The following PIF1 variants were observed in gnomAD, a reference collection of about 807,000 sequenced individuals.
PIF1 encodes the protein ATP-dependent DNA helicase PIF1.
PIF1 carries 67 observed loss-of-function variants against 62.3 expected under a neutral mutation model. The observed-to-expected ratio is 1.08, with a 90% CI of 0.88 to 1.32. The LOEUF is 1.32. PIF1 is among the 40% of genes most tolerant of loss of function. The pLI is 0.00. For missense variants in PIF1, 886 were observed against 866.1 expected, an observed-to-expected ratio of 1.02 and a Z score of -0.29; for synonymous variants, 364 against 379.5, an observed-to-expected ratio of 0.96 and a Z score of 0.47.
At chr15:64,819,056 T>C (rs371498589) in intron 9 of PIF1, 61 bp downstream of exon 9, 2 of 1,304,622 alleles carry the variant, frequency 1.5e-6, no homozygotes, top group Non-Finnish European at 1.0e-6. Flanking sequence ...GGGGTAGGGA[T>C]CAGCAAGGCC....
At chr15:64,825,814 G>A (rs1215465884), upstream of PIF1, 3 of 152,196 alleles carry the variant, frequency 2.0e-5, no homozygotes, top group Non-Finnish European at 2.9e-5. Context: ...AGAGGAAGGA[G>A]GTTTATGGTG....
chr15:64,816,643 C>T lies in PIF1; in HGVS notation c.1797G>A (p.Met599Ile). The T allele has an allele frequency of 1.2e-6, 2 of 1,614,080 alleles. No homozygotes were observed. The highest frequency in any genetic ancestry group is 1.7e-6 in the Non-Finnish European group (2 of 1,180,020). Residue 599 changes from methionine (M) to isoleucine (I), a missense_variant, in exon 12 of 13, where the codon ATG becomes ATA. Physicochemically the swap from Met to Ile is conservative, Grantham distance 10 (BLOSUM62 1). Coordinates refer to ENST00000559239, the MANE Select transcript of PIF1 (RefSeq NM_001286496.2). The stretch of plus-strand genomic sequence containing the variant: ...GCACACGGGGGTCACAGCGAACCGC[C>T]ATGGGGTCAAAGTCCAGCACACGTA... ...QGLRVLDFDP[M>I]AVRCDPRVLH...
At chr15:64,822,116 C>T in intron 4 of PIF1, 150 bp downstream of exon 4, 2 of 978,690 alleles carry the variant, frequency 2.0e-6, no homozygotes, top group Non-Finnish European at 3.0e-6. Context: ...CTCAAGCGAT[C>T]CTCCCACCTT....
Position 64,815,906 on chromosome 15 carries a change from T to G in PIF1, c.*392A>C, listed in dbSNP as rs372435957. The stretch of plus-strand genomic sequence containing the variant: ...CAGTCCCCTCCAAGAGCCCTGATGC[T>G]GCTTCCGGAGCACCTGTCTTCATTG... On this transcript the variant is annotated 3_prime_UTR_variant, in exon 13 of 13. Transcript: ENST00000559239. The G allele has an allele frequency of 7.6e-4, 1,179 of 1,550,610 alleles. 2 individuals carry two copies. Among genetic ancestry groups the G allele is most frequent in the South Asian group, 1.7e-3 (139 of 84,062 alleles).
chr15:64,826,935 C>T (rs1423257603), upstream of PIF1, among the ~76,000 whole-genome samples: 1 of 151,588 alleles, frequency 6.6e-6, no homozygotes, highest in Non-Finnish European at 1.5e-5. Context: ...TACTGAAGGT[C>T]ACATAGCTGA....
chr15:64,818,607 T>A, intron 9 of PIF1: 1 of 481,878 alleles, frequency 2.1e-6, no homozygotes, highest in Non-Finnish European at 3.7e-6. Context: ...TAAGGCAACC[T>A]CTATCACAGG....
At position 64,816,234 on chromosome 15, in the gene PIF1, C is replaced by T; in HGVS notation, c.*64G>A. On this transcript the variant is annotated 3_prime_UTR_variant, in exon 13 of 13. Coordinates refer to ENST00000559239, the MANE Select transcript of PIF1 (RefSeq NM_001286496.2). ...CCAGTTATTCCCTGGGGCCCTGGGC[C>T]ACTAGGGAGCAGGAGGACGGGGAGG... 1 of 1,608,058 alleles carries T rather than the reference C, an allele frequency of 6.2e-7. No individual in the cohort carries two copies. Among genetic ancestry groups the T allele is most frequent in the Non-Finnish European group, 8.5e-7 (1 of 1,177,670 alleles).
At chr15:64,818,379 C>T in intron 9 of PIF1, 35 bp from the exon 10 acceptor site, 1 of 1,598,642 alleles carries the variant, frequency 6.3e-7, no homozygotes, top group South Asian at 1.1e-5. Context: ...CAGCAGCCCC[C>T]CTACCCATGC....
rs1267500405 is a variant in PIF1, at chr15:64,816,159, G to C, written c.*139C>G. The stretch of plus-strand genomic sequence containing the variant: ...AAGTACTCTCCCTTTAACCCTGCCA[G>C]GAGGCTGAGAGTCCCTAAAAAATAC... On this transcript the variant is annotated 3_prime_UTR_variant, in exon 13 of 13. Coordinates refer to ENST00000559239, the MANE Select transcript of PIF1 (RefSeq NM_001286496.2). 6.6e-7 allele frequency: 1 copy of C among 1,504,726 alleles called. No individual in the cohort carries two copies. The highest frequency in any genetic ancestry group is 1.4e-5 in the African/African-American group (1 of 71,920). The allele number at this position is 1,504,726 out of a possible 1,614,324, so 93.2% of individuals were successfully genotyped here.
At chr15:64,825,214 T>C (rs1030547730) in intron 1 of PIF1, among the ~76,000 whole-genome samples, 2 of 151,772 alleles carry the variant, frequency 1.3e-5, no homozygotes, top group African/African-American at 4.8e-5. Flanking sequence ...GAATCGCCCG[T>C]GGGGAGATGC....
rs572933192 is a variant in PIF1, at chr15:64,816,148, T to G, written c.*150A>C. On this transcript the variant is annotated 3_prime_UTR_variant, in exon 13 of 13. Coordinates refer to ENST00000559239, the MANE Select transcript of PIF1 (RefSeq NM_001286496.2). Reference sequence around the variant, plus strand: ...ATATGGGTTTAAAGTACTCTCCCTTTAACCCTGCCAGGAGGCTGAGAGTCC... The same window carrying G: ...ATATGGGTTTAAAGTACTCTCCCTTGAACCCTGCCAGGAGGCTGAGAGTCC... The G allele has an allele frequency of 4.0e-6, 6 of 1,490,416 alleles. No individual in the cohort carries two copies. The South Asian group carries it at 6.7e-5, about 17-fold the overall frequency. 92.3% of individuals were successfully genotyped at this position (1,490,416 alleles called of 1,614,324 possible).
At chr15:64,817,253 A>G (rs1236883288) in intron 11 of PIF1, among the ~76,000 whole-genome samples, 1 of 152,116 alleles carries the variant, frequency 6.6e-6, no homozygotes, top group Non-Finnish European at 1.5e-5. Context: ...GAAATTCACT[A>G]AAGAAAAGTT....
intron 7 of PIF1, 176 bp from the exon 8 acceptor site, chr15:64,820,162 C>T (rs961656620): frequency 2.2e-5 from 16 of 722,896 alleles, no homozygotes; most frequent in Non-Finnish European, 3.6e-5. Context: ...AACTTGGACC[C>T]CAAACATGGG....
At chr15:64,821,313 C>A in intron 5 of PIF1, 32 bp from the exon 6 acceptor site, 1 of 1,614,110 alleles carries the variant, frequency 6.2e-7, no homozygotes, top group South Asian at 1.1e-5. Context: ...TTTAGGGGCA[C>A]ACAGAAGACC....
At chr15:64,817,407 G>A (rs553254621) in intron 11 of PIF1, among the ~76,000 whole-genome samples, 3 of 152,194 alleles carry the variant, frequency 2.0e-5, no homozygotes, top group South Asian at 2.1e-4. Context: ...TTAGCCAGGC[G>A]TGGTGGCGGC....
intron 10 of PIF1, 52 bp from the exon 11 acceptor site, chr15:64,818,143 G>A (rs773945634): frequency 1.4e-4 from 233 of 1,611,744 alleles, no homozygotes; most frequent in Admixed American, 1.7e-4. Context: ...GGGCTCTGAG[G>A]TGAGGAGCAG....
At chr15:64,820,091 C>T in intron 7 of PIF1, 105 bp from the exon 8 acceptor site, 3 of 1,405,864 alleles carry the variant, frequency 2.1e-6, no homozygotes, top group Non-Finnish European at 1.9e-6. Flanking sequence ...GGCCTTGGGA[C>T]TGGAAGAGGG....
chr15:64,816,509 C>G, intron 12 of PIF1, 65 bp downstream of exon 12: 3 of 1,597,204 alleles, frequency 1.9e-6, no homozygotes, highest in Non-Finnish European at 8.5e-7. Context: ...TGGGCCGGCG[C>G]TCCCTCTGTC....
intron 9 of PIF1, 78 bp downstream of exon 9, chr15:64,819,038 TG>T: frequency 9.0e-7 from 1 of 1,110,842 alleles, no homozygotes; most frequent in Non-Finnish European, 1.2e-6. Context: ...CAGAGTGGCC[TG>T]GGCAGAGGGG....
Sources: gnomAD v4.1 joint callset for allele counts (sites outside exome capture counted in the v4.1 genomes callset) on GRCh38, gnomAD v4.1.1 for gene constraint, MANE v1.5 for transcripts, NCBI Gene and HGNC (gene_info 2026-07-23, HGNC 2026-07-21) for gene names.